Variants in CRLF3 observed in about 807,000 individuals in gnomAD.
CRLF3 encodes cytokine receptor like factor 3.
A neutral mutation model predicts 55.0 loss-of-function variants in CRLF3; 33 were observed. That is an observed-to-expected ratio of 0.60 (90% confidence interval 0.46 to 0.80). The LOEUF (loss-of-function observed/expected upper bound fraction) is 0.80, where lower values mean the gene tolerates loss of function less well. Among genes scored for constraint, CRLF3 ranks in the 30% least tolerant of loss-of-function variants. The probability of loss-of-function intolerance (pLI) is 0.00; values close to 1 mark genes in which losing one functional copy is unlikely to be tolerated. For synonymous variants in CRLF3, 238 were observed against 196.8 expected (o/e 1.21, Z -1.75); for missense variants, 494 against 538.4 (o/e 0.92, Z 0.82).
In CRLF3 at chr17:30,803,898, C is replaced by G; in HGVS notation, c.337+3G>C. ...TAATACAACAGGCTCCCTGGTCCCCCACCTTCTCGGACTAAGTCCTCTGCA... is the reference window on the plus strand; with the variant it reads ...TAATACAACAGGCTCCCTGGTCCCCGACCTTCTCGGACTAAGTCCTCTGCA... On this transcript the variant is annotated splice_donor_region_variant and intron_variant, in intron 2 of 7. Transcript: ENST00000324238. The G allele has an allele frequency of 6.2e-7, 1 of 1,608,434 alleles. No individual in the cohort carries two copies. Among genetic ancestry groups the G allele is most frequent in the Non-Finnish European group, 8.5e-7 (1 of 1,176,594 alleles).
intron 6 of CRLF3, 78 bp from the exon 7 acceptor site, chr17:30,786,109 AAG>A: frequency 1.3e-6 from 1 of 791,782 alleles, no homozygotes; most frequent in South Asian, 1.5e-5. Context: ...CTAGCTTAAA[AAG>A]AGCAATCTCA....
chr17:30,804,112 A>C lies in CRLF3; in HGVS notation c.130-4T>G. 1 of 1,594,046 alleles carries C rather than the reference A, an allele frequency of 6.3e-7. No homozygotes were observed. Among genetic ancestry groups the C allele is most frequent in the Non-Finnish European group, 8.6e-7 (1 of 1,163,244 alleles). On this transcript the variant is annotated splice_region_variant and splice_polypyrimidine_tract_variant and intron_variant, in intron 1 of 7. Coordinates refer to ENST00000324238, the MANE Select transcript of CRLF3 (RefSeq NM_015986.4). ...TCTGTGATGCACTTTCTTTGATCTAAAAAGAAATAACAAAATACTCAAAAT... is the reference window on the plus strand; with the variant it reads ...TCTGTGATGCACTTTCTTTGATCTACAAAGAAATAACAAAATACTCAAAAT...
intron 1 of CRLF3, among the ~76,000 whole-genome samples, chr17:30,807,678 G>C (rs1239452577): frequency 6.6e-6 from 1 of 151,646 alleles, no homozygotes; most frequent in Non-Finnish European, 1.5e-5. Flanking sequence ...GATTACAGGC[G>C]CATGCCACCA....
At chr17:30,813,538 A>G (rs1476677786) in intron 1 of CRLF3, among the ~76,000 whole-genome samples, 3 of 152,166 alleles carry the variant, frequency 2.0e-5, no homozygotes, top group African/African-American at 7.2e-5. Flanking sequence ...TTGAATAACA[A>G]TAATATTTAG....
intron 4 of CRLF3, among the ~76,000 whole-genome samples, chr17:30,794,704 G>A (rs183989209): frequency 6.6e-6 from 1 of 152,106 alleles, no homozygotes; most frequent in African/African-American, 2.4e-5. Context: ...GGGCTGAGGC[G>A]GGAGGATCAC....
Position 30,793,552 on chromosome 17 carries a change from T to TG in CRLF3, c.723dup (p.Asn242GlnfsTer3). The TG allele has an allele frequency of 6.2e-7, 1 of 1,614,082 alleles. No individual in the cohort carries two copies. Among genetic ancestry groups the TG allele is most frequent in the Non-Finnish European group, 8.5e-7 (1 of 1,179,986 alleles). On this transcript the variant is annotated frameshift_variant, in exon 5 of 8. Transcript: ENST00000324238. LOFTEE classifies it high-confidence loss of function. Reference sequence around the variant, plus strand: ...CAGACTCTGAACTGGTAATCAACGTTGGGGTCTATGTGCAATACTATGAAT... The same window carrying TG: ...CAGACTCTGAACTGGTAATCAACGTTGGGGGTCTATGTGCAATACTATGAAT...
chr17:30,788,443 G>A (rs1030325020), intron 6 of CRLF3, among the ~76,000 whole-genome samples: 44 of 151,910 alleles, frequency 2.9e-4, no homozygotes, highest in African/African-American at 1.1e-3. Context: ...AGACCTGGAA[G>A]GAGGGGGTTG....
Position 30,783,840 on chromosome 17 carries a change from T to A in CRLF3, c.*347A>T, listed in dbSNP as rs1000578109. 2 of 189,970 alleles carry A rather than the reference T, an allele frequency of 1.1e-5. No individual in the cohort carries two copies. The highest frequency in any genetic ancestry group is 4.7e-5 in the African/African-American group (2 of 42,120). 11.8% of individuals were successfully genotyped at this position (189,970 alleles called of 1,614,324 possible). ...TGGACTTGGATCCTTTAAGATGATT[T>A]TAAAAATAATATTACATTAAGTTTT... On this transcript the variant is annotated 3_prime_UTR_variant, in exon 8 of 8. Transcript: ENST00000324238.
At chr17:30,810,395 G>A (rs539865751) in intron 1 of CRLF3, among the ~76,000 whole-genome samples, 32 of 151,970 alleles carry the variant, frequency 2.1e-4, no homozygotes, top group African/African-American at 2.7e-4. Flanking sequence ...GTGAAACCCC[G>A]TCTCTACTAA....
At chr17:30,800,797 C>T (rs1227754277) in intron 2 of CRLF3, among the ~76,000 whole-genome samples, 6 of 133,324 alleles carry the variant, frequency 4.5e-5, no homozygotes, top group Non-Finnish European at 9.4e-5. Flanking sequence ...TTTTTTGAGA[C>T]GGAGTCTCGC....
chr17:30,798,145 G>A (rs1023650698), intron 2 of CRLF3, among the ~76,000 whole-genome samples: 10 of 151,826 alleles, frequency 6.6e-5, no homozygotes, highest in East Asian at 1.9e-4. Context: ...TTTGGGAGGC[G>A]GAGGCAGGTG....
At chr17:30,815,211 G>A (rs998809853) in intron 1 of CRLF3, among the ~76,000 whole-genome samples, 6 of 149,532 alleles carry the variant, frequency 4.0e-5, no homozygotes, top group Admixed American at 2.0e-4. Context: ...TCAGCCTCCC[G>A]GGTAGCTGGG....
chr17:30,795,624 G>T (rs539074104), intron 4 of CRLF3, among the ~76,000 whole-genome samples: 5 of 151,586 alleles, frequency 3.3e-5, no homozygotes, highest in African/African-American at 1.2e-4. Flanking sequence ...CAGCCTGGGC[G>T]ACACAGCAAG....
At chr17:30,802,418 C>A (rs1435325407) in intron 2 of CRLF3, among the ~76,000 whole-genome samples, 3 of 151,240 alleles carry the variant, frequency 2.0e-5, no homozygotes, top group Non-Finnish European at 4.4e-5. Flanking sequence ...CCGTGCCCGG[C>A]CTTTATTCTT....
Position 30,784,156 on chromosome 17 carries a change from C to A in CRLF3, c.*31G>T, listed in dbSNP as rs1462341521. The A allele has an allele frequency of 6.3e-7, 1 of 1,599,688 alleles. No individual in the cohort carries two copies. The highest frequency in any genetic ancestry group is 8.5e-7 in the Non-Finnish European group (1 of 1,172,946). On this transcript the variant is annotated 3_prime_UTR_variant, in exon 8 of 8. Coordinates refer to ENST00000324238, the MANE Select transcript of CRLF3 (RefSeq NM_015986.4). ...CTGGGCTGAGGACAGCTACGTTAGACCCTGAAAACCAAAGCCAAGCACCCA... is the reference window on the plus strand; with the variant it reads ...CTGGGCTGAGGACAGCTACGTTAGAACCTGAAAACCAAAGCCAAGCACCCA...
Position 30,796,170 on chromosome 17 carries a change from C to T in CRLF3, c.593G>A (p.Arg198Gln). The T allele has an allele frequency of 6.2e-7, 1 of 1,611,560 alleles. No individual in the cohort carries two copies. Among genetic ancestry groups the T allele is most frequent in the African/African-American group, 1.3e-5 (1 of 75,006 alleles). ...TTCTGAATTACATACCTTACACCAT[C>T]GTACAATGATGCCTCCAGGTTTCTC... is the stretch of plus-strand genomic sequence containing the variant. ...LIEKPGGIIV[R>Q]WCKVDDDFTA... Residue 198 changes from arginine (R) to glutamine (Q), a missense_variant, in exon 4 of 8, where the codon CGA (arginine) becomes CAA (glutamine). Arg to Gln is a conservative substitution (Grantham distance 43, BLOSUM62 1). Transcript: ENST00000324238.
rs541537680 is a variant in CRLF3 at position 30,799,528 on chromosome 17, T to C, written c.338-2130A>G. On this transcript the variant is annotated intron_variant, in intron 2 of 7. Coordinates refer to ENST00000324238, the MANE Select transcript of CRLF3 (RefSeq NM_015986.4). ...AATGTGCCACTATGCCCAGCCAGGATTTATCTTTTTTTTTTTTTGAGATGG... is the reference window on the plus strand; with the variant it reads ...AATGTGCCACTATGCCCAGCCAGGACTTATCTTTTTTTTTTTTTGAGATGG... Among the ~76,000 whole-genome samples, 4 of 151,824 alleles carry C rather than the reference T, an allele frequency of 2.6e-5. No individual in the cohort carries two copies. The East Asian group carries it at 7.8e-4, about 30-fold the overall frequency.
chr17:30,784,577 G>T lies in CRLF3; in HGVS notation c.1073-134C>A, dbSNP rs1306877404. 5.5e-6 allele frequency: 4 copies of T among 731,854 alleles called. No homozygotes were observed. In the East Asian group the frequency reaches 8.0e-5, roughly 15 times the overall value. 45.3% of individuals were successfully genotyped at this position (731,854 alleles called of 1,614,324 possible). A position where few individuals can be genotyped will look rare whatever the true frequency, so the allele number is the denominator to read the frequency against. Reference sequence around the variant, plus strand: ...AAATCTGGAATGCCAACTGGACATAGATTTTAGAGTTCTGTCCAGGGTTGT... The same window carrying T: ...AAATCTGGAATGCCAACTGGACATATATTTTAGAGTTCTGTCCAGGGTTGT... On this transcript the variant is annotated intron_variant, in intron 7 of 7. Transcript: ENST00000324238.
intron 4 of CRLF3, among the ~76,000 whole-genome samples, chr17:30,795,121 G>T (rs774530427): frequency 1.1e-4 from 16 of 152,142 alleles, no homozygotes; most frequent in African/African-American, 3.4e-4. Context: ...TAATAAAAAT[G>T]GAATGACAGT....
Sources: allele counts gnomAD v4.1 joint callset (sites outside exome capture counted in the v4.1 genomes callset), GRCh38; gene constraint gnomAD v4.1.1; transcripts MANE v1.5; gene names NCBI Gene and HGNC (gene_info 2026-07-23, HGNC 2026-07-21).